The following MYO5B variants were observed in gnomAD, a reference collection of about 807,000 sequenced individuals.
MYO5B encodes unconventional myosin-Vb.
In MYO5B, 143 loss-of-function variants were observed where a neutral mutation model predicts 229.3. The ratio of observed to expected loss-of-function variants is 0.62; its 90% CI spans 0.54 to 0.72. The LOEUF is 0.72. Among genes scored for constraint, MYO5B ranks in the 30% least tolerant of loss-of-function variants. MYO5B has a pLI of 0.00. For missense variants in MYO5B, 2,321 were observed against 2,331.0 expected, an observed-to-expected ratio of 1.00 and a Z score of 0.09; for synonymous variants, 918 against 885.2, an observed-to-expected ratio of 1.04 and a Z score of -0.66.
chr18:50,155,121 G>T (rs540390337), intron 1 of MYO5B, among the ~76,000 whole-genome samples: 1 of 152,148 alleles, frequency 6.6e-6, no homozygotes, highest in Non-Finnish European at 1.5e-5. Flanking sequence ...GTTCACATAC[G>T]TAAGGTTTCC....
At chr18:50,057,445 G>T (rs2144421298) in intron 1 of MYO5B, among the ~76,000 whole-genome samples, 1 of 152,312 alleles carries the variant, frequency 6.6e-6, no homozygotes, top group African/African-American at 2.4e-5. Context: ...AATCCCAACA[G>T]GAACCGAACG....
At chr18:49,828,373 G>T (rs1324826487) in intron 39 of MYO5B, among the ~76,000 whole-genome samples, 1 of 152,162 alleles carries the variant, frequency 6.6e-6, no homozygotes, top group Non-Finnish European at 1.5e-5. Flanking sequence ...TTTAATAAAA[G>T]GTTCAACTCA....
chr18:50,187,177 C>G (rs1012574440), intron 1 of MYO5B, among the ~76,000 whole-genome samples: 1 of 152,252 alleles, frequency 6.6e-6, no homozygotes, highest in African/African-American at 2.4e-5. Flanking sequence ...GTTGACTCTT[C>G]TACTTCCCTT....
At chr18:50,048,185 T>C (rs1323549167) in intron 2 of MYO5B, among the ~76,000 whole-genome samples, 1 of 152,112 alleles carries the variant, frequency 6.6e-6, no homozygotes, top group Non-Finnish European at 1.5e-5. Context: ...GTTTAAGTTT[T>C]ATCACCATCT....
rs150194906 is a variant in MYO5B, at chr18:49,866,360, C to T, written c.3604-1980G>A. ...CTGGGATTACAGGCATGAGCCGCCA[C>T]GCCCGACCTCATCTTACCTATTTTT... On this transcript the variant is annotated intron_variant, in intron 27 of 39. Coordinates refer to ENST00000285039, the MANE Select transcript of MYO5B (RefSeq NM_001080467.3). Among the ~76,000 whole-genome samples, 945 of 152,268 alleles carry T rather than the reference C, an allele frequency of 6.2e-3. 15 individuals carry two copies. Among genetic ancestry groups the T allele is most frequent in the African/African-American group, 0.022 (903 of 41,548 alleles).
At chr18:49,952,005 G>C (rs1056615304) in intron 14 of MYO5B, among the ~76,000 whole-genome samples, 3 of 152,060 alleles carry the variant, frequency 2.0e-5, no homozygotes, top group Non-Finnish European at 4.4e-5. Flanking sequence ...TTTTACCCAC[G>C]GCCAATTTGT....
At chr18:49,892,211 G>T (rs1481143500) in intron 22 of MYO5B, among the ~76,000 whole-genome samples, 2 of 152,256 alleles carry the variant, frequency 1.3e-5, no homozygotes. Context: ...CAGGCTAAAA[G>T]GGAAGGAGGC....
intron 39 of MYO5B, among the ~76,000 whole-genome samples, 173 bp from the exon 40 acceptor site, chr18:49,826,796 G>C (rs150359297): frequency 1.1e-4 from 16 of 152,356 alleles, no homozygotes; most frequent in African/African-American, 3.6e-4. Context: ...TTAGTGGGGA[G>C]AGAAGCCCTG....
Position 49,974,471 on chromosome 18 carries a change from G to A in MYO5B, c.1201C>T (p.Arg401Cys), listed in dbSNP as rs761492029. 43 of 1,614,024 alleles carry A rather than the reference G, an allele frequency of 2.7e-5. No homozygotes were observed. Among genetic ancestry groups the A allele is most frequent in the South Asian group, 1.2e-4 (11 of 91,084 alleles). ...TMSLQQVINA[R>C]NALAKHIYAQ... is the part of the protein sequence containing the mutation. ...TAGATGTGCTTCGCCAGGGCGTTGC[G>A]CGCATTGATCACCTGCTGCAGGGAC... Residue 401 changes from arginine to cysteine, a missense_variant, in exon 10 of 40, where the codon CGC becomes TGC. By Grantham distance (180) the Arg-to-Cys change is radical. Around this residue, in one of 2 missense-constraint regions of MYO5B, gnomAD observed 2,113 missense variants for 2,044.7 expected, o/e 1.03. Coordinates refer to ENST00000285039, the MANE Select transcript of MYO5B (RefSeq NM_001080467.3).
rs1627232 is a variant in MYO5B, at chr18:49,936,287, G to A, written c.1968C>T (p.Arg656=). The change falls in exon 16 of 40, where the codon CGC becomes CGT. Residue 656 remains arginine (R), a synonymous_variant. Transcript: ENST00000285039. ...GCTTCTCATCGTTGGGCTTGATGCAGCGGACATAGTGAGGTGTCGTGGCAT... is the reference window on the plus strand; with the variant it reads ...GCTTCTCATCGTTGGGCTTGATGCAACGGACATAGTGAGGTGTCGTGGCAT... The part of the protein sequence containing the change: ...TLNATTPHYV[R]CIKPNDEKLP... 13,315 of 1,603,934 alleles carry A rather than the reference G, an allele frequency of 8.3e-3. 396 individuals are homozygous for A. The highest frequency in any genetic ancestry group is 0.074 in the African/African-American group (5,562 of 74,892).
chr18:50,034,188 A>G (rs2026423095), intron 4 of MYO5B, among the ~76,000 whole-genome samples: 1 of 152,236 alleles, frequency 6.6e-6, no homozygotes. Flanking sequence ...GCCTATGGCT[A>G]CTTGAACCAC....
intron 31 of MYO5B, chr18:49,851,196 A>T (rs1169698628): frequency 6.6e-6 from 1 of 152,150 alleles, no homozygotes; most frequent in East Asian, 1.9e-4. Context: ...TGTCTTTGAG[A>T]GCTCTGACAT....
In MYO5B at chr18:49,877,815, G is replaced by C. The variant is rs761191799; in HGVS notation, c.3344C>G (p.Ser1115Cys). 5 of 1,613,910 alleles carry C rather than the reference G, an allele frequency of 3.1e-6. No individual in the cohort carries two copies. Among genetic ancestry groups the C allele is most frequent in the Non-Finnish European group, 4.2e-6 (5 of 1,179,974 alleles). The change falls in exon 25 of 40, where the codon TCC (serine) becomes TGC (cysteine). Residue 1115 changes from serine to cysteine, a missense_variant. Ser to Cys is a moderately radical substitution (Grantham distance 112, BLOSUM62 -1). This residue lies in a region of MYO5B where 2,113 missense variants were observed against 2,044.7 expected (regional missense o/e 1.03). Coordinates refer to ENST00000285039, the MANE Select transcript of MYO5B (RefSeq NM_001080467.3). The stretch of plus-strand genomic sequence containing the variant: ...GTCTCCGATCTCAGATGTGGAGATG[G>C]AGGGGTAATTGGAGTCAGATTCTAA... Reference protein sequence around the residue: ...SSLESDSNYPSISTSEIGDTE... With the variant: ...SSLESDSNYPCISTSEIGDTE...
At chr18:50,009,129 G>C (rs993305484) in intron 4 of MYO5B, among the ~76,000 whole-genome samples, 48 of 152,278 alleles carry the variant, frequency 3.2e-4, no homozygotes, top group South Asian at 4.1e-4. Flanking sequence ...TGTAATCACA[G>C]CACCTTGGGA....
At chr18:49,866,388 G>C (rs79177463) in intron 27 of MYO5B, among the ~76,000 whole-genome samples, 3 of 152,038 alleles carry the variant, frequency 2.0e-5, no homozygotes, top group Admixed American at 6.5e-5. Context: ...CTATTTTTAC[G>C]TGCACAGTTC....
intron 1 of MYO5B, among the ~76,000 whole-genome samples, chr18:50,116,342 G>A (rs946288388): frequency 6.6e-6 from 1 of 152,146 alleles, no homozygotes. Flanking sequence ...TCAGTCTGTA[G>A]AAGAACTTCA....
At chr18:50,078,478 C>T (rs572765705) in intron 1 of MYO5B, among the ~76,000 whole-genome samples, 7 of 152,228 alleles carry the variant, frequency 4.6e-5, no homozygotes, top group Non-Finnish European at 8.8e-5. Context: ...TTATAATGAA[C>T]ATGAATTTGT....
chr18:50,033,975 C>G (rs2026419888), intron 4 of MYO5B, among the ~76,000 whole-genome samples: 1 of 152,142 alleles, frequency 6.6e-6, no homozygotes, highest in African/African-American at 2.4e-5. Context: ...CACAGAGTCT[C>G]CACACCTACT....
intron 39 of MYO5B, among the ~76,000 whole-genome samples, chr18:49,834,244 T>C (rs928480377): frequency 1.3e-5 from 2 of 152,204 alleles, no homozygotes; most frequent in African/African-American, 4.8e-5. Context: ...TTCAGTGTCT[T>C]TGATAAACCT....
Sources: gnomAD v4.1 joint callset for allele counts (sites outside exome capture counted in the v4.1 genomes callset) on GRCh38, gnomAD v4.1.1 for gene constraint, gnomAD v4.1.1 regional missense constraint, MANE v1.5 for transcripts, NCBI Gene and HGNC (gene_info 2026-07-23, HGNC 2026-07-21) for gene names.